Variants in LIMCH1 observed in about 807,000 individuals in gnomAD.
The protein encoded by LIMCH1 is LIM and calponin homology domains-containing protein 1.
LIMCH1 carries 113 observed loss-of-function variants against 176.5 expected under a neutral mutation model. The ratio of observed to expected loss-of-function variants is 0.64; its 90% CI spans 0.55 to 0.75. The LOEUF (loss-of-function observed/expected upper bound fraction) is 0.75. Ranked by LOEUF, LIMCH1 falls within the 30% of genes least tolerant of loss-of-function variation. The probability of loss-of-function intolerance (pLI) is 0.00; values close to 1 mark genes in which losing one functional copy is unlikely to be tolerated. For missense variants in LIMCH1, 1,674 were observed against 1,814.9 expected (o/e 0.92, Z 1.41); for synonymous variants, 619 against 645.9 (o/e 0.96, Z 0.63).
chr4:41,454,446 AG>A (rs1287187514), intron 1 of LIMCH1, among the ~76,000 whole-genome samples: 1 of 150,554 alleles, frequency 6.6e-6, no homozygotes, highest in South Asian at 2.2e-4. Context: ...GTGGATGATG[AG>A]GGGGAGAGAG....
chr4:41,682,672 C>CTTTTT (rs1479823691), intron 26 of LIMCH1, among the ~76,000 whole-genome samples: 84 of 139,972 alleles, frequency 6.0e-4, no homozygotes, highest in Non-Finnish European at 9.6e-4. Flanking sequence ...TTTTTTTCTT[C>CTTTTT]TTCTTCTTTT....
chr4:41,439,577 C>T (rs1414361498), intron 1 of LIMCH1, among the ~76,000 whole-genome samples: 1 of 151,964 alleles, frequency 6.6e-6, no homozygotes, highest in African/African-American at 2.4e-5. Context: ...GAGCAAGACC[C>T]TGTCTCATTA....
At chr4:41,418,833 G>A (rs2060177917) in intron 1 of LIMCH1, 1 of 152,144 alleles carries the variant, frequency 6.6e-6, no homozygotes, top group Admixed American at 6.5e-5. Context: ...AACTGTGTTG[G>A]GGAGGAAACA....
At position 41,458,453 on chromosome 4, in the gene LIMCH1, G is replaced by A. The variant is rs187042056; in HGVS notation, c.97-36083G>A. Among the ~76,000 whole-genome samples the A allele has an allele frequency of 3.8e-3, 582 of 152,216 alleles. 3 individuals are homozygous for A. The highest frequency in any genetic ancestry group is 0.014 in the African/African-American group (566 of 41,538). On this transcript the variant is annotated intron_variant, in intron 1 of 26. Coordinates refer to the LIMCH1 transcript ENST00000313860. ...CAGTTTGGGTTTGGGCAAGGAGAGA[G>A]TAGGAGCCAAGGCTGGAAAGGTGAG...
chr4:41,666,224 G>T (rs1229589172), intron 20 of LIMCH1, among the ~76,000 whole-genome samples: 1 of 152,146 alleles, frequency 6.6e-6, no homozygotes, highest in Non-Finnish European at 1.5e-5. Context: ...ATTCAGTTTT[G>T]TGTGGTACCA....
intron 18 of LIMCH1, among the ~76,000 whole-genome samples, chr4:41,653,979 G>A (rs990896718): frequency 8.5e-5 from 13 of 152,228 alleles, no homozygotes; most frequent in African/African-American, 3.1e-4. Flanking sequence ...TTACCTTGCA[G>A]ATGGGCACGT....
At chr4:41,443,410 T>C (rs2062927414) in intron 1 of LIMCH1, among the ~76,000 whole-genome samples, 1 of 152,196 alleles carries the variant, frequency 6.6e-6, no homozygotes, top group Non-Finnish European at 1.5e-5. Context: ...TTGATTATGG[T>C]ACTTAAAGCA....
chr4:41,685,854 G>T (rs377467234), intron 28 of LIMCH1, 24 bp downstream of exon 28: 7 of 1,601,662 alleles, frequency 4.4e-6, no homozygotes, highest in Admixed American at 1.8e-5. Flanking sequence ...CACGATGGTT[G>T]TGGGATTCCC....
At chr4:41,547,237 G>A (rs1015275247) in intron 1 of LIMCH1, among the ~76,000 whole-genome samples, 1 of 152,072 alleles carries the variant, frequency 6.6e-6, no homozygotes, top group Non-Finnish European at 1.5e-5. Context: ...CTGTCTAATA[G>A]ATCACTGGAA....
intron 1 of LIMCH1, among the ~76,000 whole-genome samples, chr4:41,592,835 T>C (rs374956153): frequency 1.3e-5 from 2 of 152,234 alleles, no homozygotes; most frequent in South Asian, 2.1e-4. Context: ...TGTTCCTTGA[T>C]ATGTTTGTTA....
intron 1 of LIMCH1, among the ~76,000 whole-genome samples, chr4:41,565,408 CACACACAT>C (rs1489779365): frequency 1.3e-5 from 2 of 150,476 alleles, no homozygotes; most frequent in African/African-American, 4.9e-5. Context: ...GACACACACA[CACACACAT>C]ATATATGATA....
chr4:41,616,826 A>G (rs934682251), intron 5 of LIMCH1, among the ~76,000 whole-genome samples: 54 of 152,234 alleles, frequency 3.5e-4, no homozygotes, highest in African/African-American at 1.3e-3. Context: ...GAAGTATAGA[A>G]GATTTAAGTA....
intron 29 of LIMCH1, chr4:41,689,007 T>C (rs969876079): frequency 2.0e-5 from 3 of 153,042 alleles, no homozygotes; most frequent in African/African-American, 7.2e-5. Context: ...AGAGCAGACA[T>C]TAGATCTCAC....
intron 2 of LIMCH1, among the ~76,000 whole-genome samples, chr4:41,500,581 A>G (rs978001110): frequency 6.6e-6 from 1 of 152,230 alleles, no homozygotes; most frequent in Non-Finnish European, 1.5e-5. Context: ...ATATAGGTAG[A>G]TGGTTCATAT....
chr4:41,480,323 A>G lies in LIMCH1; in HGVS notation c.97-14213A>G, dbSNP rs1270195638. On this transcript the variant is annotated intron_variant, in intron 1 of 26. Coordinates refer to the LIMCH1 transcript ENST00000313860. Reference sequence around the variant, plus strand: ...GACTGATTTGCCAAAATTAGGCAAGAACTGGCCGGGTGCAGTGGCTCACTC... The same window carrying G: ...GACTGATTTGCCAAAATTAGGCAAGGACTGGCCGGGTGCAGTGGCTCACTC... 2.6e-5 allele frequency among the ~76,000 whole-genome samples: 4 copies of G among 152,166 alleles called. No individual in the cohort carries two copies. The East Asian group carries it at 7.7e-4, about 29-fold the overall frequency.
intron 1 of LIMCH1, among the ~76,000 whole-genome samples, chr4:41,422,616 A>G (rs1208891617): frequency 6.6e-6 from 1 of 152,202 alleles, no homozygotes; most frequent in African/African-American, 2.4e-5. Context: ...CCTTCTTCAG[A>G]TATAGAAAGC....
intron 2 of LIMCH1, among the ~76,000 whole-genome samples, chr4:41,515,684 G>A (rs534460807): frequency 1.1e-4 from 17 of 152,314 alleles, no homozygotes; most frequent in East Asian, 7.7e-4. Context: ...TGTCAAATGC[G>A]TAAATAACTT....
intron 1 of LIMCH1, among the ~76,000 whole-genome samples, chr4:41,487,314 A>T (rs940589513): frequency 1.3e-5 from 2 of 152,164 alleles, no homozygotes. Context: ...TCCTAAATAG[A>T]TGGAATGGAT....
At chr4:41,684,289 CT>C in intron 26 of LIMCH1, 107 bp from the exon 27 acceptor site, 6 of 924,898 alleles carry the variant, frequency 6.5e-6, no homozygotes, top group South Asian at 2.6e-5. Flanking sequence ...AGTCCCATCT[CT>C]TTTTTTATAT....
Sources: allele counts gnomAD v4.1 joint callset (sites outside exome capture counted in the v4.1 genomes callset), GRCh38; gene constraint gnomAD v4.1.1; transcripts MANE v1.5; gene names NCBI Gene and HGNC (gene_info 2026-07-23, HGNC 2026-07-21).